SPATA31C1: variants seen among roughly 807,000 people sequenced by gnomAD.
SPATA31C1 encodes the protein SPATA31 subfamily C member 1.
chr9:87,923,210 C>A, exon 5 of SPATA31C1: 6 of 1,603,296 alleles, frequency 3.7e-6, no homozygotes, highest in Non-Finnish European at 5.1e-6. Flanking sequence ...TTCCCTGCAA[C>A]CACAGACACC....
Position 87,919,146 on chromosome 9 carries a change from C to T in SPATA31C1, n.523-145C>T, listed in dbSNP as rs1170680602. 3 of 1,506,120 alleles carry T rather than the reference C, an allele frequency of 2.0e-6. No individual in the cohort carries two copies. In the African/African-American group the frequency reaches 4.1e-5, roughly 21 times the overall value. 93.3% of individuals were successfully genotyped at this position (1,506,120 alleles called of 1,614,324 possible). A position where few individuals can be genotyped will look rare whatever the true frequency, so the allele number is the denominator to read the frequency against. On this transcript the variant is annotated intron_variant and non_coding_transcript_variant, in intron 2 of 4. Coordinates refer to ENST00000420021, the Ensembl canonical transcript of SPATA31C1. ...GTGGGAGGGGAGAAAGCACACAGAG[C>T]TCCCTGAGCAAGACAGACAGAGCCA...
chr9:87,920,978 C>T (rs546190493), exon 5 of SPATA31C1: 14 of 1,612,664 alleles, frequency 8.7e-6, no homozygotes, highest in African/African-American at 2.7e-5. Flanking sequence ...TGGCTCAGGC[C>T]GAGGCTCAGG....
chr9:87,921,538 A>C (rs779027494), exon 5 of SPATA31C1: 1 of 1,612,014 alleles, frequency 6.2e-7, no homozygotes, highest in Non-Finnish European at 8.5e-7. Context: ...TTCCCAGGGA[A>C]GGTTCTGGGG....
At chr9:87,921,761 C>T (rs1828877590) in exon 5 of SPATA31C1, 2 of 1,612,042 alleles carry the variant, frequency 1.2e-6, no homozygotes, top group Middle Eastern at 2.3e-4. Flanking sequence ...TATCCAACAC[C>T]CACGTGAAAA....
intron 2 of SPATA31C1, chr9:87,918,891 C>G (rs1369799534): frequency 1.1e-5 from 4 of 348,162 alleles, no homozygotes; most frequent in Non-Finnish European, 2.3e-5. Context: ...CCTGTCTTAG[C>G]GTCCTGAGTA....
chr9:87,921,958 C>T, exon 5 of SPATA31C1: 1 of 1,612,612 alleles, frequency 6.2e-7, no homozygotes, highest in South Asian at 1.1e-5. Context: ...GAAAAGGTTT[C>T]ATCCTTGTCC....
rs1180616717 is a variant in SPATA31C1, at chr9:87,916,953, T to C, written n.190-894T>C. Among the ~76,000 whole-genome samples the C allele has an allele frequency of 2.3e-4, 16 of 68,144 alleles. 1 individual carries two copies. The highest frequency in any genetic ancestry group is 4.0e-4 in the Non-Finnish European group (14 of 34,854). The allele number at this position is 68,144 out of a possible 152,430, so 44.7% of individuals were successfully genotyped here. A position where few individuals can be genotyped will look rare whatever the true frequency, so the allele number is the denominator to read the frequency against. The stretch of plus-strand genomic sequence containing the variant: ...CACAGGTTGCAGTGAGCCAAGAGCG[T>C]GCCACTGCACTCCAGCCTGGGCAAC... On this transcript the variant is annotated intron_variant and non_coding_transcript_variant, in intron 1 of 4. Coordinates refer to ENST00000420021, the Ensembl canonical transcript of SPATA31C1.
rs1360526331 is a variant in SPATA31C1, at chr9:87,915,694, C to T, written n.189+984C>T. Among the ~76,000 whole-genome samples the T allele has an allele frequency of 1.3e-4, 19 of 142,938 alleles. 2 individuals are homozygous for T. Among genetic ancestry groups the T allele is most frequent in the South Asian group, 9.5e-4 (4 of 4,222 alleles). 93.8% of individuals were successfully genotyped at this position (142,938 alleles called of 152,430 possible). A position where few individuals can be genotyped will look rare whatever the true frequency, so the allele number is the denominator to read the frequency against. ...GCTCCAGAACCACTGTACTATTGAA[C>T]TGATATTGCACTTTTTTCAAAAGTC... On this transcript the variant is annotated intron_variant and non_coding_transcript_variant, in intron 1 of 4. Transcript: ENST00000420021.
exon 5 of SPATA31C1, chr9:87,920,343 G>A (rs764787506): frequency 2.2e-5 from 36 of 1,613,826 alleles, no homozygotes; most frequent in Non-Finnish European, 3.1e-5. Flanking sequence ...ACCTGATGGA[G>A]CCTCCCGGTC....
chr9:87,921,693 G>T, exon 5 of SPATA31C1: 1 of 1,612,026 alleles, frequency 6.2e-7, no homozygotes, highest in South Asian at 1.1e-5. Flanking sequence ...GACCAACGAG[G>T]GCTTGATCCC....
exon 5 of SPATA31C1, chr9:87,921,069 T>G (rs1828849052): frequency 6.2e-7 from 1 of 1,611,482 alleles, no homozygotes; most frequent in African/African-American, 1.3e-5. Flanking sequence ...TTGCCCTGCG[T>G]CGCAGAATAA....
At chr9:87,917,340 C>A (rs1413422055) in intron 1 of SPATA31C1, among the ~76,000 whole-genome samples, 303 of 145,580 alleles carry the variant, frequency 2.1e-3, no homozygotes, top group African/African-American at 7.2e-3. Context: ...TGGCTGGAAC[C>A]CGGGAGGCGG....
chr9:87,917,416 C>CA (rs201112331), intron 1 of SPATA31C1: 1 of 113,402 alleles, frequency 8.8e-6, no homozygotes, highest in East Asian at 3.0e-4. Flanking sequence ...GACTCCGTCT[C>CA]AAAAAAATAA....
rs367872260 is a variant in SPATA31C1 at position 87,922,485 on chromosome 9, G to A, written n.2875G>A. On this transcript the variant is annotated non_coding_transcript_exon_variant, in exon 5 of 5. Coordinates refer to ENST00000420021, the Ensembl canonical transcript of SPATA31C1. ...CCCAAGAAAGCTGTGTCTCATGGAG[G>A]AGGCTGTTAGTGAATTTGAGCCTGG... is the stretch of plus-strand genomic sequence containing the variant. The A allele has an allele frequency of 6.2e-5, 100 of 1,610,588 alleles. 1 individual carries two copies. In the African/African-American group the frequency reaches 1.1e-3, roughly 17 times the overall value.
intron 4 of SPATA31C1, 61 bp from the exon 4 acceptor site, chr9:87,920,191 C>T: frequency 6.2e-7 from 1 of 1,606,024 alleles, no homozygotes; most frequent in South Asian, 1.1e-5. Context: ...CCCAAGCGCC[C>T]ACTCTGCCCT....
Position 87,923,071 on chromosome 9 carries a change from G to T in SPATA31C1, n.3461G>T, listed in dbSNP as rs376807700. On this transcript the variant is annotated non_coding_transcript_exon_variant, in exon 5 of 5. Coordinates refer to ENST00000420021, the Ensembl canonical transcript of SPATA31C1. Reference sequence around the variant, plus strand: ...AACAGATCATGCGTGTACGGCAGCAGTGCTGAAGCTGAGAGGCTCATGACA... The same window carrying T: ...AACAGATCATGCGTGTACGGCAGCATTGCTGAAGCTGAGAGGCTCATGACA... The T allele has an allele frequency of 2.6e-3, 4,229 of 1,601,456 alleles. 39 individuals are homozygous for T. Among genetic ancestry groups the T allele is most frequent in the Middle Eastern group, 0.023 (136 of 5,962 alleles).
At chr9:87,922,867 C>T (rs1203661999) in exon 5 of SPATA31C1, 1 of 1,606,198 alleles carries the variant, frequency 6.2e-7, no homozygotes. Flanking sequence ...CAACTTACCC[C>T]AGGCAGAAAA....
chr9:87,920,923 C>A, exon 5 of SPATA31C1: 1 of 1,613,258 alleles, frequency 6.2e-7, no homozygotes, highest in African/African-American at 1.3e-5. Flanking sequence ...GGGCCTGAGT[C>A]CCAACCCTTT....
rs559779826 is a variant in SPATA31C1 at position 87,916,976 on chromosome 9, A to G, written n.190-871A>G. ...CGTGCCACTGCACTCCAGCCTGGGC[A>G]ACAGAGTGAGACTCCATCTCAAAAA... On this transcript the variant is annotated intron_variant and non_coding_transcript_variant, in intron 1 of 4. Transcript: ENST00000420021. 5.3e-3 allele frequency among the ~76,000 whole-genome samples: 403 copies of G among 75,806 alleles called. 5 individuals carry two copies. Among genetic ancestry groups the G allele is most frequent in the South Asian group, 0.02 (27 of 1,370 alleles). 49.7% of individuals were successfully genotyped at this position (75,806 alleles called of 152,430 possible). A position where few individuals can be genotyped will look rare whatever the true frequency, so the allele number is the denominator to read the frequency against.
Sources: allele counts gnomAD v4.1 joint callset (sites outside exome capture counted in the v4.1 genomes callset), GRCh38; gene constraint gnomAD v4.1.1; transcripts MANE v1.5; gene names NCBI Gene and HGNC (gene_info 2026-07-23, HGNC 2026-07-21).